Variants in ADGRB3 observed in about 807,000 individuals in gnomAD.
The protein encoded by ADGRB3 is adhesion G protein-coupled receptor B3, also known as brain-specific angiogenesis inhibitor 3.
Under a neutral mutation model 193.4 loss-of-function variants are expected in ADGRB3, and 37 were observed. That is an observed-to-expected ratio of 0.19 (90% CI 0.15 to 0.25). The LOEUF (loss-of-function observed/expected upper bound fraction) is 0.25. Among genes scored for constraint, ADGRB3 ranks in the 10% least tolerant of loss-of-function variants. The pLI is 1.00. For synonymous variants in ADGRB3, 690 were observed against 644.2 expected (o/e 1.07, Z -1.08); for missense variants, 1,637 against 1,852.9 (o/e 0.88, Z 2.14).
At chr6:69,034,204 G>A (rs1770797990) in intron 13 of ADGRB3, among the ~76,000 whole-genome samples, 1 of 151,842 alleles carries the variant, frequency 6.6e-6, no homozygotes, top group Non-Finnish European at 1.5e-5. Flanking sequence ...TTATTACAGA[G>A]TCTGACCTTC....
chr6:69,141,137 C>T (rs12208294), intron 17 of ADGRB3, among the ~76,000 whole-genome samples: 125 of 133,546 alleles, frequency 9.4e-4, no homozygotes, highest in African/African-American at 3.1e-3. Context: ...TTGGGGGGGG[C>T]GGTGGGGACG....
chr6:69,091,150 C>T (rs4706854), intron 17 of ADGRB3, among the ~76,000 whole-genome samples: 48,443 of 151,898 alleles, frequency 0.32, 9,420 homozygotes, highest in East Asian at 0.86. Flanking sequence ...CAGATCCTAG[C>T]GAGGTTGTGG....
At chr6:68,815,603 T>TTG (rs5877170) in intron 3 of ADGRB3, among the ~76,000 whole-genome samples, 23,763 of 137,116 alleles carry the variant, frequency 0.17, 2,075 homozygotes, top group Non-Finnish European at 0.22. Context: ...CCATCAAAAA[T>TTG]TGTGTGTGTG....
intron 17 of ADGRB3, among the ~76,000 whole-genome samples, chr6:69,117,408 G>T (rs1001621635): frequency 6.6e-6 from 1 of 152,142 alleles, no homozygotes; most frequent in Non-Finnish European, 1.5e-5. Context: ...AGATTTCTGA[G>T]ATTTTTGTGG....
chr6:69,284,299 G>A (rs563734319), intron 20 of ADGRB3, among the ~76,000 whole-genome samples: 8 of 151,990 alleles, frequency 5.3e-5, no homozygotes, highest in Non-Finnish European at 1.2e-4. Flanking sequence ...CATAGTCATC[G>A]TATTTTTTCC....
intron 3 of ADGRB3, among the ~76,000 whole-genome samples, chr6:68,768,143 C>G (rs571567643): frequency 6.6e-6 from 1 of 152,174 alleles, no homozygotes; most frequent in East Asian, 1.9e-4. Context: ...TCAATGATAT[C>G]CCCATCAAGC....
intron 10 of ADGRB3, among the ~76,000 whole-genome samples, chr6:68,977,285 T>C (rs1768778845): frequency 6.6e-6 from 1 of 151,922 alleles, no homozygotes; most frequent in African/African-American, 2.4e-5. Context: ...TAAAAATGTA[T>C]AAATTAAATT....
At chr6:68,750,134 A>C (rs538897320) in intron 3 of ADGRB3, among the ~76,000 whole-genome samples, 1 of 152,330 alleles carries the variant, frequency 6.6e-6, no homozygotes, top group South Asian at 2.1e-4. Context: ...ATCAGTATCC[A>C]CATATTTTGT....
At chr6:69,202,897 A>G (rs1311531072) in intron 17 of ADGRB3, among the ~76,000 whole-genome samples, 1 of 152,178 alleles carries the variant, frequency 6.6e-6, no homozygotes, top group South Asian at 2.1e-4. Context: ...AGCACGCAGG[A>G]TGTGATCAAA....
chr6:69,031,037 C>CTCCTCTTCTCTTCTCT (rs1554248318), intron 13 of ADGRB3, among the ~76,000 whole-genome samples: 2 of 36,560 alleles, frequency 5.5e-5, no homozygotes, highest in African/African-American at 2.7e-4. Context: ...CTCTTCTCTT[C>CTCCTCTTCTCTTCTCT]TCTCTTCTCT....
chr6:69,133,877 A>G (rs1774080153), intron 17 of ADGRB3, among the ~76,000 whole-genome samples: 1 of 151,926 alleles, frequency 6.6e-6, no homozygotes, highest in South Asian at 2.1e-4. Flanking sequence ...CCACCATATC[A>G]TTCTTATGCC....
intron 17 of ADGRB3, among the ~76,000 whole-genome samples, chr6:69,206,816 C>T (rs958316798): frequency 6.6e-5 from 10 of 152,108 alleles, no homozygotes; most frequent in Admixed American, 3.9e-4. Flanking sequence ...TTCTGTATTC[C>T]CTTTGCCTTT....
chr6:69,220,390 C>A (rs1254947646), intron 17 of ADGRB3, among the ~76,000 whole-genome samples: 1 of 152,116 alleles, frequency 6.6e-6, no homozygotes, highest in Non-Finnish European at 1.5e-5. Context: ...TGGTCAGTTA[C>A]TAAAAATTAG....
At chr6:69,066,015 T>C (rs1408489381) in intron 16 of ADGRB3, among the ~76,000 whole-genome samples, 1 of 151,774 alleles carries the variant, frequency 6.6e-6, no homozygotes, top group Non-Finnish European at 1.5e-5. Flanking sequence ...TACAACAGAA[T>C]GTGCATAGGT....
chr6:69,204,169 C>T (rs1237277250), intron 17 of ADGRB3, among the ~76,000 whole-genome samples: 1 of 152,138 alleles, frequency 6.6e-6, no homozygotes, highest in Non-Finnish European at 1.5e-5. Flanking sequence ...CTTGGCATGG[C>T]TTTCAAGCCT....
At chr6:69,027,829 G>A (rs1342152749) in intron 13 of ADGRB3, among the ~76,000 whole-genome samples, 1 of 152,078 alleles carries the variant, frequency 6.6e-6, no homozygotes, top group Admixed American at 6.5e-5. Flanking sequence ...TGTGGAAGAA[G>A]GAGAGCACTC....
At chr6:69,360,574 A>G (rs891719069) in intron 28 of ADGRB3, among the ~76,000 whole-genome samples, 1 of 151,976 alleles carries the variant, frequency 6.6e-6, no homozygotes, top group Non-Finnish European at 1.5e-5. Context: ...GAAAAGTTAT[A>G]TGGAGTTGTT....
intron 17 of ADGRB3, among the ~76,000 whole-genome samples, chr6:69,156,932 T>C (rs1388935682): frequency 6.6e-6 from 1 of 152,226 alleles, no homozygotes; most frequent in East Asian, 1.9e-4. Context: ...TATTTATTAC[T>C]ATTCCCAGTA....
intron 8 of ADGRB3, 128 bp from the exon 9 acceptor site, chr6:68,974,635 T>TA (rs144666567): frequency 1.0e-4 from 70 of 667,982 alleles, no homozygotes; most frequent in Middle Eastern, 3.0e-4. Context: ...ACCCCATCTC[T>TA]AAAAAAAAGA....
Sources: allele counts gnomAD v4.1 joint callset (sites outside exome capture counted in the v4.1 genomes callset), GRCh38; gene constraint gnomAD v4.1.1; transcripts MANE v1.5; gene names NCBI Gene and HGNC (gene_info 2026-07-23, HGNC 2026-07-21).